The following PTPN13 variants were observed in gnomAD, a reference collection of about 807,000 sequenced individuals.
The protein encoded by PTPN13 is tyrosine-protein phosphatase non-receptor type 13.
Under a neutral mutation model 284.0 loss-of-function variants are expected in PTPN13, and 191 were observed. That is an observed-to-expected ratio of 0.67 (90% CI 0.60 to 0.76). PTPN13 has a LOEUF of 0.76. PTPN13 is among the 30% of genes least tolerant of loss of function. The pLI, the probability that PTPN13 is intolerant of heterozygous loss-of-function variation, is 0.00. For missense variants in PTPN13, 2,797 were observed against 2,939.9 expected (o/e 0.95, Z 1.12); for synonymous variants, 986 against 1,022.3 (o/e 0.96, Z 0.68).
At chr4:86,702,527 A>C (rs988603540) in intron 7 of PTPN13, among the ~76,000 whole-genome samples, 2 of 152,214 alleles carry the variant, frequency 1.3e-5, no homozygotes, top group African/African-American at 4.8e-5. Context: ...TTAATATTAC[A>C]TTATTAGTGT....
rs778780024 is a variant in PTPN13 at position 86,751,103 on chromosome 4, C to T, written c.3145C>T (p.Pro1049Ser). 74 of 1,600,702 alleles carry T rather than the reference C, an allele frequency of 4.6e-5. No homozygotes were observed. The South Asian group carries it at 7.0e-4, about 15-fold the overall frequency. ...ATCAGACTCCTCATCCATTGAAGAC[C>T]CTGGGCAAGCATATGTTCTAGGTCA... ...HESDSSSIED[P>S]GQAYVLGMTM... Residue 1049 changes from proline to serine, a missense_variant, in exon 19 of 48, where the codon CCT (proline) becomes TCT (serine). Physicochemically the swap from Pro to Ser is moderately conservative, Grantham distance 74. Transcript: ENST00000411767.
At position 86,734,887 on chromosome 4, in the gene PTPN13, GTTT is replaced by G; in HGVS notation, c.2151+17_2151+19del. ...ATTATCAACCAGAGGTAGGATTTGT[GTTT>G]TTTTCCAGGACCATTTTTGTTTGGT... On this transcript the variant is annotated intron_variant, in intron 14 of 47. Transcript: ENST00000411767. 1 of 1,605,328 alleles carries G rather than the reference GTTT, an allele frequency of 6.2e-7. No individual in the cohort carries two copies. Among genetic ancestry groups the G allele is most frequent in the Non-Finnish European group, 8.5e-7 (1 of 1,173,730 alleles).
rs572376027 is a variant in PTPN13, at chr4:86,673,701, AGTT to A, written c.294+1168_294+1170del. On this transcript the variant is annotated intron_variant, in intron 3 of 47. Transcript: ENST00000411767. Reference sequence around the variant, plus strand: ...AGATTTTGTGAGTCTCTAATTGGGGAGTTGTTGTTGTTTTGTTTTGTTTTGAGA... The same window carrying A: ...AGATTTTGTGAGTCTCTAATTGGGGAGTTGTTGTTTTGTTTTGTTTTGAGA... Among the ~76,000 whole-genome samples, 183 of 152,016 alleles carry A rather than the reference AGTT, an allele frequency of 1.2e-3. 2 individuals are homozygous for A. The highest frequency in any genetic ancestry group is 4.1e-3 in the African/African-American group (171 of 41,484).
chr4:86,598,441 G>A (rs1188127047), intron 1 of PTPN13, among the ~76,000 whole-genome samples: 1 of 152,152 alleles, frequency 6.6e-6, no homozygotes, highest in African/African-American at 2.4e-5. Flanking sequence ...CACCGTGCCT[G>A]GTCCCTCTCA....
chr4:86,667,039 A>G (rs1246019015), intron 2 of PTPN13, among the ~76,000 whole-genome samples: 1 of 152,186 alleles, frequency 6.6e-6, no homozygotes, highest in Admixed American at 6.5e-5. Flanking sequence ...TGATTTTGGT[A>G]CTGCTTTTCA....
At chr4:86,745,169 T>C (rs768717789) in intron 17 of PTPN13, 41 bp downstream of exon 17, 1 of 1,551,918 alleles carries the variant, frequency 6.4e-7, no homozygotes, top group Non-Finnish European at 8.7e-7. Flanking sequence ...CCTGGGAATA[T>C]GAATAATTTT....
At chr4:86,690,676 C>T (rs1349535178) in intron 5 of PTPN13, among the ~76,000 whole-genome samples, 1 of 152,020 alleles carries the variant, frequency 6.6e-6, no homozygotes, top group Non-Finnish European at 1.5e-5. Context: ...GACTTTTGTG[C>T]TGCTTGCTAA....
chr4:86,787,103 C>CAA (rs574178007), intron 40 of PTPN13, among the ~76,000 whole-genome samples: 2,217 of 127,376 alleles, frequency 0.017, 68 homozygotes, highest in African/African-American at 0.061. Context: ...GACTCAGTCT[C>CAA]AAAAAAAAAA....
At chr4:86,716,670 A>G (rs1578482149) in intron 8 of PTPN13, 45 bp downstream of exon 8, 1 of 1,211,920 alleles carries the variant, frequency 8.3e-7, no homozygotes, top group Non-Finnish European at 1.2e-6. Flanking sequence ...AGAAACCACG[A>G]TTATTATTAT....
chr4:86,769,965 G>T lies in PTPN13; in HGVS notation c.4686G>T (p.Leu1562Phe). Reference sequence around the variant, plus strand: ...TCTTGAAAGTGAATGGAGCCTCTTTGAAAGGACTATCTCAGCAGGTGAGCC... The same window carrying T: ...TCTTGAAAGTGAATGGAGCCTCTTTTAAAGGACTATCTCAGCAGGTGAGCC... ...DVILKVNGAS[L>F]KGLSQQEVIS... Residue 1562 changes from leucine to phenylalanine, a missense_variant, in exon 29 of 48, where the codon TTG (leucine) becomes TTT (phenylalanine). By Grantham distance (22) the Leu-to-Phe change is conservative. Transcript: ENST00000411767. 1.2e-6 allele frequency: 2 copies of T among 1,613,950 alleles called. No individual in the cohort carries two copies. The highest frequency in any genetic ancestry group is 1.6e-4 in the Middle Eastern group (1 of 6,062).
At position 86,741,650 on chromosome 4, in the gene PTPN13, C is replaced by G. The variant is rs745550362; in HGVS notation, c.2321C>G (p.Thr774Arg). 6.2e-7 allele frequency: 1 copy of G among 1,613,092 alleles called. No individual in the cohort carries two copies. Among genetic ancestry groups the G allele is most frequent in the Non-Finnish European group, 8.5e-7 (1 of 1,179,296 alleles). Residue 774 changes from threonine (T) to arginine (R), a missense_variant, in exon 16 of 48, where the codon ACA (threonine) becomes AGA (arginine). Coordinates refer to ENST00000411767, the MANE Select transcript of PTPN13 (RefSeq NM_080683.3). ...TTCCAACAGGTCTGCCAAAGACTGA[C>G]AGAATATGGAGTTCATTTTCACCGA... is the stretch of plus-strand genomic sequence containing the variant. ...LEFLKVCQRL[T>R]EYGVHFHRVH...
At chr4:86,716,651 C>T (rs1733055539) in intron 8 of PTPN13, 26 bp downstream of exon 8, 23 of 1,420,054 alleles carry the variant, frequency 1.6e-5, no homozygotes, top group Middle Eastern at 1.8e-4. Flanking sequence ...AACAAGCAAA[C>T]TGTTTTTAAG....
chr4:86,654,634 A>G (rs1295513027), intron 2 of PTPN13, among the ~76,000 whole-genome samples: 1 of 152,156 alleles, frequency 6.6e-6, no homozygotes, highest in Non-Finnish European at 1.5e-5. Flanking sequence ...GTTCTTTTAC[A>G]TTTGCTGAGG....
intron 3 of PTPN13, among the ~76,000 whole-genome samples, chr4:86,679,976 G>A (rs1040216667): frequency 6.6e-6 from 1 of 152,138 alleles, no homozygotes; most frequent in Non-Finnish European, 1.5e-5. Context: ...TGTCACCTAA[G>A]GGATATATGA....
chr4:86,692,900 T>C (rs1363084398), intron 5 of PTPN13, among the ~76,000 whole-genome samples: 1 of 151,960 alleles, frequency 6.6e-6, no homozygotes, highest in Non-Finnish European at 1.5e-5. Flanking sequence ...GCCAACATGG[T>C]GAAACCCTGT....
At chr4:86,714,885 C>T (rs1732840670) in intron 7 of PTPN13, among the ~76,000 whole-genome samples, 1 of 151,954 alleles carries the variant, frequency 6.6e-6, no homozygotes, top group African/African-American at 2.4e-5. Flanking sequence ...TAGAGAACTA[C>T]AAAGTAGTGT....
intron 2 of PTPN13, among the ~76,000 whole-genome samples, chr4:86,639,049 T>G (rs773001514): frequency 0.039 from 5,876 of 151,952 alleles, 347 homozygotes; most frequent in African/African-American, 0.13. Flanking sequence ...AAGAAGACAT[T>G]TACGCAGCCA....
intron 2 of PTPN13, among the ~76,000 whole-genome samples, chr4:86,641,200 G>A (rs571190958): frequency 1.8e-4 from 28 of 152,230 alleles, no homozygotes; most frequent in African/African-American, 6.7e-4. Flanking sequence ...ATGGATGAAT[G>A]GTGGTTGTCT....
intron 5 of PTPN13, 22 bp from the exon 6 acceptor site, chr4:86,693,565 A>AT (rs751006529): frequency 2.1e-6 from 3 of 1,450,038 alleles, no homozygotes; most frequent in South Asian, 1.4e-5. Flanking sequence ...GTCAAACTTG[A>AT]TTTTTTATTA....
Sources: allele counts gnomAD v4.1 joint callset (sites outside exome capture counted in the v4.1 genomes callset), GRCh38; gene constraint gnomAD v4.1.1; transcripts MANE v1.5; gene names NCBI Gene and HGNC (gene_info 2026-07-23, HGNC 2026-07-21).